Variants in JAK1 observed in about 807,000 individuals in gnomAD.
The protein encoded by JAK1 is Janus kinase 1.
Under a neutral mutation model 136.6 loss-of-function variants are expected in JAK1, and 16 were observed. The ratio of observed to expected loss-of-function variants is 0.12; its 90% CI spans 0.08 to 0.18. The LOEUF (loss-of-function observed/expected upper bound fraction) is 0.18, where lower values mean the gene tolerates loss of function less well. Ranked by LOEUF, JAK1 falls within the 10% of genes least tolerant of loss-of-function variation. The pLI, the probability that JAK1 is intolerant of heterozygous loss-of-function variation, is 1.00. For missense variants in JAK1, 859 were observed against 1,450.1 expected (o/e 0.59, Z 6.62); for synonymous variants, 492 against 519.5 (o/e 0.95, Z 0.72).
At chr1:64,994,974 A>AAAAAAAAAAAAAAAAACAAAAAAAAC (rs1557749011) in intron 2 of JAK1, 2 of 151,526 alleles carry the variant, frequency 1.3e-5, no homozygotes, top group African/African-American at 4.9e-5. Flanking sequence ...AAAAAAAAAA[A>AAAAAAAAAAAAAAAAACAAAAAAAAC]AAAAAAACCT....
At chr1:64,898,971 T>A (rs538378436) in intron 1 of JAK1, among the ~76,000 whole-genome samples, 2 of 152,318 alleles carry the variant, frequency 1.3e-5, no homozygotes, top group South Asian at 4.1e-4. Context: ...TTTCTCCAAA[T>A]GAATTTTTAA....
intron 2 of JAK1, among the ~76,000 whole-genome samples, chr1:64,973,274 A>C (rs1646469417): frequency 6.6e-6 from 1 of 150,510 alleles, no homozygotes; most frequent in South Asian, 2.1e-4. Flanking sequence ...AGACGGAAGG[A>C]AGGAAAGAAA....
intron 1 of JAK1, among the ~76,000 whole-genome samples, chr1:64,910,135 C>CT (rs953043028): frequency 6.6e-6 from 1 of 152,160 alleles, no homozygotes; most frequent in Non-Finnish European, 1.5e-5. Flanking sequence ...TTTATTTAAT[C>CT]TTTAACTTAA....
chr1:64,883,860 C>T (rs1230537361), intron 2 of JAK1, among the ~76,000 whole-genome samples: 1 of 152,258 alleles, frequency 6.6e-6, no homozygotes, highest in East Asian at 1.9e-4. Context: ...TTATTAGTTA[C>T]AAATTCTGCT....
At chr1:64,960,757 T>C (rs1331615165) in intron 1 of JAK1, among the ~76,000 whole-genome samples, 2 of 152,236 alleles carry the variant, frequency 1.3e-5, no homozygotes, top group African/African-American at 4.8e-5. Context: ...TCAGACCTTC[T>C]TACATACCTC....
In JAK1 at chr1:64,873,487, A is replaced by G; in HGVS notation, c.366T>C (p.Asn122=). ...YFTNWHGTND[N]EQSVWRHSPK... ...GAGAATGACGCCACACTGACTGCTC[A>G]TTGTCGTTGGTTCCATGCCAATTGG... is the stretch of plus-strand genomic sequence containing the variant. Residue 122 remains asparagine (N), a synonymous_variant, in exon 5 of 25, where the codon AAT becomes AAC. Transcript: ENST00000342505. 6.2e-7 allele frequency: 1 copy of G among 1,614,126 alleles called. No individual in the cohort carries two copies. Among genetic ancestry groups the G allele is most frequent in the East Asian group, 2.2e-5 (1 of 44,882 alleles).
At chr1:64,909,813 C>T (rs1022413401) in intron 1 of JAK1, among the ~76,000 whole-genome samples, 6 of 152,148 alleles carry the variant, frequency 3.9e-5, no homozygotes, top group Middle Eastern at 3.4e-3. Flanking sequence ...AACAGTGAGA[C>T]CATCACACAA....
intron 2 of JAK1, among the ~76,000 whole-genome samples, chr1:65,015,936 G>A (rs998915149): frequency 2.0e-5 from 3 of 152,126 alleles, no homozygotes; most frequent in African/African-American, 7.2e-5. Flanking sequence ...TGGTCAAAAG[G>A]TGGAAACAAC....
chr1:64,852,245 G>A (rs762151953), intron 11 of JAK1, among the ~76,000 whole-genome samples: 5 of 152,242 alleles, frequency 3.3e-5, no homozygotes, highest in African/African-American at 4.8e-5. Flanking sequence ...TGAGAAAACA[G>A]AGATTCTGAG....
At chr1:64,843,992 G>A (rs922204026) in intron 17 of JAK1, 72 bp downstream of exon 17, 16 of 1,564,710 alleles carry the variant, frequency 1.0e-5, no homozygotes, top group African/African-American at 2.7e-5. Context: ...CCAGGCTTCC[G>A]ACAACTCCTG....
At chr1:64,977,064 A>G (rs934045039) in intron 2 of JAK1, among the ~76,000 whole-genome samples, 2 of 152,224 alleles carry the variant, frequency 1.3e-5, no homozygotes, top group Non-Finnish European at 2.9e-5. Flanking sequence ...TCATACATCT[A>G]TTACATATAC....
chr1:64,930,645 T>C (rs538186297), intron 1 of JAK1, among the ~76,000 whole-genome samples: 13 of 135,836 alleles, frequency 9.6e-5, no homozygotes, highest in Admixed American at 2.3e-4. Flanking sequence ...ATCCCATTAC[T>C]GGGTATATAC....
chr1:65,025,917 G>A (rs895848535), intron 2 of JAK1, among the ~76,000 whole-genome samples: 2 of 152,042 alleles, frequency 1.3e-5, no homozygotes, highest in Non-Finnish European at 2.9e-5. Context: ...GGACTCAAGC[G>A]ATCCTCCTGC....
chr1:64,932,777 T>C (rs1275495898), intron 1 of JAK1, among the ~76,000 whole-genome samples: 2 of 152,168 alleles, frequency 1.3e-5, no homozygotes, highest in Non-Finnish European at 2.9e-5. Context: ...GAGAGGGCAC[T>C]AGACAGTCCC....
At position 64,855,461 on chromosome 1, in the gene JAK1, G is replaced by T; in HGVS notation, c.1648+48C>A. 6.3e-7 allele frequency: 1 copy of T among 1,577,332 alleles called. No homozygotes were observed. The highest frequency in any genetic ancestry group is 8.7e-7 in the Non-Finnish European group (1 of 1,153,780). On this transcript the variant is annotated intron_variant, in intron 11 of 24. Transcript: ENST00000342505. ...CGTGTTTTGGTCGATCTGGGTCTCA[G>T]CACATTACTGATGGGATACAGCCTG...
chr1:64,931,440 T>A (rs1040881555), intron 1 of JAK1, among the ~76,000 whole-genome samples: 1 of 151,950 alleles, frequency 6.6e-6, no homozygotes, highest in Non-Finnish European at 1.5e-5. Flanking sequence ...GTGTCACTCA[T>A]CCAAGTCCCC....
chr1:65,021,659 C>T (rs1256435814), intron 2 of JAK1, among the ~76,000 whole-genome samples: 1 of 152,154 alleles, frequency 6.6e-6, no homozygotes, highest in Non-Finnish European at 1.5e-5. Flanking sequence ...CCCTGTCTAT[C>T]CCCGCTAGGT....
At position 64,908,276 on chromosome 1, in the gene JAK1, G is replaced by C. The variant is rs114100625; in HGVS notation, c.-77-21935C>G. On this transcript the variant is annotated intron_variant, in intron 1 of 24. Transcript: ENST00000342505. ...AAGGCTTATAAGGCTAGTTTTTCTG[G>C]TACTTACTCTCACGGCAGTGACCCT... 1.1e-3 allele frequency among the ~76,000 whole-genome samples: 174 copies of C among 152,078 alleles called. 1 individual carries two copies. Among genetic ancestry groups the C allele is most frequent in the African/African-American group, 4.1e-3 (168 of 41,480 alleles).
intron 1 of JAK1, among the ~76,000 whole-genome samples, chr1:64,899,024 T>A (rs2101449734): frequency 6.6e-6 from 1 of 152,316 alleles, no homozygotes; most frequent in Non-Finnish European, 1.5e-5. Flanking sequence ...TTGACTAATA[T>A]AAAAATCAAT....
Sources: allele counts gnomAD v4.1 joint callset (sites outside exome capture counted in the v4.1 genomes callset), GRCh38; gene constraint gnomAD v4.1.1; transcripts MANE v1.5; gene names NCBI Gene and HGNC (gene_info 2026-07-23, HGNC 2026-07-21).